The following RPTOR variants were observed in gnomAD, a reference collection of about 807,000 sequenced individuals.
RPTOR encodes the protein regulatory-associated protein of mTOR.
In RPTOR, 21 loss-of-function variants were observed where a neutral mutation model predicts 169.9. The ratio of observed to expected loss-of-function variants is 0.12; its 90% CI spans 0.09 to 0.18. RPTOR has a LOEUF of 0.18. Ranked by LOEUF, RPTOR falls within the 10% of genes least tolerant of loss-of-function variation. RPTOR has a pLI of 1.00. For missense variants in RPTOR, 1,133 were observed against 1,855.9 expected (o/e 0.61, Z 7.16); for synonymous variants, 732 against 753.2 (o/e 0.97, Z 0.46).
chr17:80,591,970 T>C (rs1404467963), intron 1 of RPTOR, among the ~76,000 whole-genome samples: 5 of 152,256 alleles, frequency 3.3e-5, no homozygotes, highest in Admixed American at 2.0e-4. Context: ...CAGCTTTGGA[T>C]CCTTCCTTCC....
At chr17:80,681,216 G>T (rs1048511752) in intron 3 of RPTOR, among the ~76,000 whole-genome samples, 1 of 152,172 alleles carries the variant, frequency 6.6e-6, no homozygotes, top group East Asian at 1.9e-4. Context: ...GCAGTGGAGT[G>T]TCTCGCTTTA....
chr17:80,957,515 G>A lies in RPTOR; in HGVS notation c.3371-109G>A. ...GACCCACCAGATGGGCTCGATGGTG[G>A]CAGGGGTACCTTGTAGCTGCTGGCC... On this transcript the variant is annotated intron_variant, in intron 28 of 33. Transcript: ENST00000306801. The surrounding 1 kb of genome is among the most constrained non-coding windows in gnomAD (Gnocchi z 4.6). The A allele has an allele frequency of 2.1e-6, 2 of 963,940 alleles. No homozygotes were observed. The highest frequency in any genetic ancestry group is 3.3e-6 in the Non-Finnish European group (2 of 598,462). The allele number at this position is 963,940 out of a possible 1,614,324, so 59.7% of individuals were successfully genotyped here. A position where few individuals can be genotyped will look rare whatever the true frequency, so the allele number is the denominator to read the frequency against.
rs765485611 is a variant in RPTOR at position 80,947,198 on chromosome 17, C to G, written c.3141-29C>G. On this transcript the variant is annotated intron_variant, in intron 26 of 33. Transcript: ENST00000306801. The surrounding 1 kb of genome is among the most constrained non-coding windows in gnomAD (Gnocchi z 4.4). ...ATTTGGGTTTGCAGTTTCCTAATGA[C>G]TTTTTTATTCCTCTCTTCTTCCCTT... 4 of 1,544,684 alleles carry G rather than the reference C, an allele frequency of 2.6e-6. No individual in the cohort carries two copies. The East Asian group carries it at 9.5e-5, about 37-fold the overall frequency.
intron 1 of RPTOR, among the ~76,000 whole-genome samples, chr17:80,593,072 G>A (rs1430220651): frequency 2.6e-5 from 4 of 152,286 alleles, no homozygotes; most frequent in South Asian, 2.1e-4. Flanking sequence ...GGTTGCTGAG[G>A]GACAGGCACT....
intron 3 of RPTOR, among the ~76,000 whole-genome samples, chr17:80,650,305 T>G (rs1490807298): frequency 6.6e-6 from 1 of 152,214 alleles, no homozygotes; most frequent in African/African-American, 2.4e-5. Context: ...GCGTGTTGAC[T>G]AGAGTGGGTT....
chr17:80,821,446 A>G (rs2067377312), intron 7 of RPTOR, among the ~76,000 whole-genome samples: 2 of 152,214 alleles, frequency 1.3e-5, no homozygotes, highest in Non-Finnish European at 1.5e-5. Context: ...TTCCATTCCG[A>G]GTTACTTCAC....
intron 7 of RPTOR, among the ~76,000 whole-genome samples, chr17:80,795,816 C>T (rs1598309300): frequency 6.6e-6 from 1 of 152,152 alleles, no homozygotes; most frequent in Non-Finnish European, 1.5e-5. Flanking sequence ...GCAGCAGTGC[C>T]GAGGGCATCA....
intron 4 of RPTOR, chr17:80,709,237 G>A (rs1473375789): frequency 3.1e-5 from 10 of 326,364 alleles, no homozygotes; most frequent in Non-Finnish European, 4.4e-5. Flanking sequence ...CGATCGTTGT[G>A]AAGGAAGTAG....
chr17:80,642,073 T>TA (rs1227083876), intron 2 of RPTOR, among the ~76,000 whole-genome samples: 11 of 152,038 alleles, frequency 7.2e-5, no homozygotes, highest in Admixed American at 7.2e-4. Context: ...AGATTTCAAA[T>TA]AAAAAAAATA....
chr17:80,587,052 C>G (rs914135056), intron 1 of RPTOR, among the ~76,000 whole-genome samples: 1 of 152,246 alleles, frequency 6.6e-6, no homozygotes, highest in Non-Finnish European at 1.5e-5. Context: ...TACAGAAGGA[C>G]GCGCAGCCAA....
Position 80,823,357 on chromosome 17 carries a change from AGC to A in RPTOR, c.1136+135_1136+136del. On this transcript the variant is annotated intron_variant, in intron 9 of 33. Transcript: ENST00000306801. The surrounding 1 kb of genome is among the most constrained non-coding windows in gnomAD (Gnocchi z 4.5). ...GACCCCGTGTAGCATTAACAAGTGA[AGC>A]TAAATGCAGGGCTCCCAGAGATCTC... The A allele has an allele frequency of 5.6e-6, 5 of 899,660 alleles. No homozygotes were observed. Among genetic ancestry groups the A allele is most frequent in the African/African-American group, 2.1e-5 (1 of 48,348 alleles). 55.7% of individuals were successfully genotyped at this position (899,660 alleles called of 1,614,324 possible).
intron 6 of RPTOR, among the ~76,000 whole-genome samples, chr17:80,787,656 G>C (rs1467039243): frequency 2.6e-5 from 4 of 152,264 alleles, no homozygotes; most frequent in African/African-American, 9.6e-5. Flanking sequence ...GACAGCCTAT[G>C]ATCCACATCC....
chr17:80,746,083 A>G lies in RPTOR; in HGVS notation c.655-7927A>G, dbSNP rs1042591666. Among the ~76,000 whole-genome samples the G allele has an allele frequency of 6.6e-5, 10 of 151,086 alleles. No homozygotes were observed. The highest frequency in any genetic ancestry group is 2.4e-4 in the African/African-American group (10 of 41,008). On this transcript the variant is annotated intron_variant, in intron 5 of 33. Coordinates refer to ENST00000306801, the MANE Select transcript of RPTOR (RefSeq NM_020761.3). The surrounding 1 kb of genome is among the most constrained non-coding windows in gnomAD (Gnocchi z 4.5). Reference sequence around the variant, plus strand: ...AGGCTGAGGCGGGAGAATCGCTTGAACCCAGGAGGTGGAGGTTGCAGTGAG... The same window carrying G: ...AGGCTGAGGCGGGAGAATCGCTTGAGCCCAGGAGGTGGAGGTTGCAGTGAG...
At chr17:80,567,483 T>G (rs1331437608) in intron 1 of RPTOR, among the ~76,000 whole-genome samples, 2 of 151,986 alleles carry the variant, frequency 1.3e-5, no homozygotes, top group Admixed American at 1.3e-4. Context: ...AACCCCACAG[T>G]ACATTGTTAT....
chr17:80,676,820 G>GGTGCAGGGCTCATCGCT (rs1354348077), intron 3 of RPTOR, among the ~76,000 whole-genome samples: 1 of 152,224 alleles, frequency 6.6e-6, no homozygotes, highest in Non-Finnish European at 1.5e-5. Flanking sequence ...GAGTCAGGGA[G>GGTGCAGGGCTCATCGCT]GTGCAGGGCT....
intron 3 of RPTOR, among the ~76,000 whole-genome samples, chr17:80,692,095 G>A (rs999344345): frequency 1.3e-5 from 2 of 152,134 alleles, no homozygotes; most frequent in Admixed American, 6.5e-5. Context: ...CACAGATGTC[G>A]AGTGACATTA....
intron 24 of RPTOR, among the ~76,000 whole-genome samples, chr17:80,927,004 G>A (rs951128922): frequency 2.0e-5 from 3 of 152,230 alleles, no homozygotes; most frequent in Non-Finnish European, 2.9e-5. Flanking sequence ...GCTTACCTGC[G>A]GGTGGCATGA....
At chr17:80,951,490 C>T (rs1413873436) in intron 28 of RPTOR, among the ~76,000 whole-genome samples, 3 of 152,220 alleles carry the variant, frequency 2.0e-5, no homozygotes, top group Admixed American at 6.5e-5. Flanking sequence ...TCTCGCCAGA[C>T]GTAAGAGCTC....
chr17:80,590,580 C>T (rs1276292674), intron 1 of RPTOR, among the ~76,000 whole-genome samples: 3 of 147,356 alleles, frequency 2.0e-5, no homozygotes, highest in Admixed American at 6.7e-5. Flanking sequence ...CACACAGTGT[C>T]TTTAATGGTT....
Sources: gnomAD v4.1 joint callset for allele counts (sites outside exome capture counted in the v4.1 genomes callset) on GRCh38, gnomAD v4.1.1 for gene constraint, Gnocchi (gnomAD v3.1) non-coding constraint, MANE v1.5 for transcripts, NCBI Gene and HGNC (gene_info 2026-07-23, HGNC 2026-07-21) for gene names.